VAT1L: variants seen among roughly 807,000 people sequenced by gnomAD.
The protein encoded by VAT1L is putative NADPH-dependent quinone oxidoreductase VAT1L.
VAT1L carries 34 observed loss-of-function variants against 44.1 expected under a neutral mutation model. The ratio of observed to expected loss-of-function variants is 0.77; its 90% CI spans 0.59 to 1.03. VAT1L has a LOEUF of 1.03. Among genes scored for constraint, VAT1L ranks in the 50% least tolerant of loss-of-function variants. The pLI is 0.00. For synonymous variants in VAT1L, 253 were observed against 202.2 expected (o/e 1.25, Z -2.13); for missense variants, 615 against 538.8 (o/e 1.14, Z -1.40).
chr16:77,926,429 CAA>C (rs1022197383), intron 7 of VAT1L, among the ~76,000 whole-genome samples: 2 of 150,666 alleles, frequency 1.3e-5, no homozygotes, highest in African/African-American at 4.9e-5. Context: ...ACTAAAAATA[CAA>C]AAGTTAGTAG....
intron 1 of VAT1L, among the ~76,000 whole-genome samples, chr16:77,790,331 T>C (rs1286475166): frequency 1.3e-5 from 2 of 152,196 alleles, no homozygotes; most frequent in African/African-American, 2.4e-5. Context: ...TAAACTCTTA[T>C]TGAACCAAGT....
At chr16:77,827,783 T>A (rs1037585318) in intron 3 of VAT1L, among the ~76,000 whole-genome samples, 9 of 152,128 alleles carry the variant, frequency 5.9e-5, no homozygotes, top group Admixed American at 2.6e-4. Context: ...TCTTTCTTTC[T>A]CTGTGGTTTC....
chr16:77,892,650 C>G (rs547549048), intron 7 of VAT1L: 3 of 707,608 alleles, frequency 4.2e-6, no homozygotes, highest in Non-Finnish European at 8.0e-6. Flanking sequence ...GGTGGCAACT[C>G]CATCTATGGA....
At chr16:77,849,308 G>C (rs1272156239) in intron 3 of VAT1L, among the ~76,000 whole-genome samples, 1 of 152,186 alleles carries the variant, frequency 6.6e-6, no homozygotes, top group African/African-American at 2.4e-5. Flanking sequence ...ACCATGAAAG[G>C]AACAGGGCGT....
At chr16:77,964,246 T>A (rs979208744) in intron 7 of VAT1L, among the ~76,000 whole-genome samples, 1 of 152,198 alleles carries the variant, frequency 6.6e-6, no homozygotes, top group Non-Finnish European at 1.5e-5. Flanking sequence ...TGTAAGCTGC[T>A]GTTCAAATGA....
chr16:77,875,583 C>T (rs913719291), intron 4 of VAT1L, among the ~76,000 whole-genome samples: 1 of 152,244 alleles, frequency 6.6e-6, no homozygotes, highest in East Asian at 1.9e-4. Context: ...GTAAAAGTTG[C>T]TTACATGCAT....
At chr16:77,944,724 CAA>C (rs1030935763) in intron 7 of VAT1L, among the ~76,000 whole-genome samples, 2 of 152,106 alleles carry the variant, frequency 1.3e-5, no homozygotes, top group African/African-American at 4.8e-5. Flanking sequence ...AGTCAGAGCT[CAA>C]ATAGATATTT....
chr16:77,975,194 CT>C (rs35017686), intron 8 of VAT1L, among the ~76,000 whole-genome samples: 1,398 of 39,454 alleles, frequency 0.035, 8 homozygotes, highest in East Asian at 0.085. Context: ...GGAATGACCA[CT>C]TTTTTTTTTT....
intron 2 of VAT1L, among the ~76,000 whole-genome samples, chr16:77,824,612 C>A (rs1033469255): frequency 1.3e-5 from 2 of 151,280 alleles, no homozygotes; most frequent in Non-Finnish European, 2.9e-5. Context: ...AAAAATTAGC[C>A]GGGCATGGTG....
intron 1 of VAT1L, among the ~76,000 whole-genome samples, chr16:77,810,078 A>G (rs532848317): frequency 6.6e-6 from 1 of 152,330 alleles, no homozygotes; most frequent in South Asian, 2.1e-4. Flanking sequence ...CAAATCTAGC[A>G]AGGATAACTA....
chr16:77,912,558 TTTA>T (rs367798370), intron 7 of VAT1L, among the ~76,000 whole-genome samples: 14 of 152,196 alleles, frequency 9.2e-5, no homozygotes, highest in East Asian at 1.9e-4. Context: ...CTACTTTATG[TTTA>T]TTATTATTAT....
At chr16:77,845,088 T>A (rs1304697550) in intron 3 of VAT1L, among the ~76,000 whole-genome samples, 1 of 151,822 alleles carries the variant, frequency 6.6e-6, no homozygotes, top group Non-Finnish European at 1.5e-5. Context: ...GAAGAGCATT[T>A]TCTTCCTAGT....
At chr16:77,789,261 TA>T (rs926066775) in intron 1 of VAT1L, among the ~76,000 whole-genome samples, 4 of 152,076 alleles carry the variant, frequency 2.6e-5, no homozygotes, top group African/African-American at 9.7e-5. Flanking sequence ...TTAACAGAAT[TA>T]AAAATATATG....
At chr16:77,941,836 G>C (rs2017888149) in intron 7 of VAT1L, among the ~76,000 whole-genome samples, 1 of 152,070 alleles carries the variant, frequency 6.6e-6, no homozygotes, top group Non-Finnish European at 1.5e-5. Context: ...TGATCCACCT[G>C]CCTCGGCCTC....
At chr16:77,943,376 CTTTCT>C (rs1317666254) in intron 7 of VAT1L, among the ~76,000 whole-genome samples, 3 of 139,928 alleles carry the variant, frequency 2.1e-5, no homozygotes, top group Non-Finnish European at 3.1e-5. Context: ...TTTTCTTTTT[CTTTCT>C]TTTTTTTTTT....
chr16:77,880,852 G>T (rs924802313), intron 6 of VAT1L, among the ~76,000 whole-genome samples: 1 of 152,004 alleles, frequency 6.6e-6, no homozygotes, highest in African/African-American at 2.4e-5. Context: ...TGCAGTATTT[G>T]TTTTTATGTT....
chr16:77,869,812 G>T (rs763724516), intron 4 of VAT1L, among the ~76,000 whole-genome samples: 2 of 152,152 alleles, frequency 1.3e-5, no homozygotes, highest in African/African-American at 4.8e-5. Context: ...ACTCCCGATC[G>T]AGGGGGAGCA....
intron 7 of VAT1L, among the ~76,000 whole-genome samples, chr16:77,962,927 T>C (rs892175759): frequency 2.0e-5 from 3 of 151,858 alleles, no homozygotes; most frequent in Non-Finnish European, 2.9e-5. Context: ...GCCGGGACAA[T>C]AGATAGTGAT....
At chr16:77,802,620 ACACACACAC>A (rs2016081526) in intron 1 of VAT1L, among the ~76,000 whole-genome samples, 1 of 74,766 alleles carries the variant, frequency 1.3e-5, no homozygotes, top group Non-Finnish European at 3.2e-5. Context: ...TCTCAAACAC[ACACACACAC>A]ACACACACAC....
Sources: gnomAD v4.1 joint callset for allele counts (sites outside exome capture counted in the v4.1 genomes callset) on GRCh38, gnomAD v4.1.1 for gene constraint, MANE v1.5 for transcripts, NCBI Gene and HGNC (gene_info 2026-07-23, HGNC 2026-07-21) for gene names.